The following MOSMO variants were observed in gnomAD, a reference collection of about 807,000 sequenced individuals.
MOSMO encodes modulator of smoothened.
Under a neutral mutation model 18.4 loss-of-function variants are expected in MOSMO, and 5 were observed. The observed-to-expected ratio is 0.27, with a 90% confidence interval of 0.14 to 0.57. MOSMO has a LOEUF of 0.57. Among genes scored for constraint, MOSMO ranks in the 20% least tolerant of loss-of-function variants. The probability of loss-of-function intolerance (pLI) is 0.92; values close to 1 mark genes in which losing one functional copy is unlikely to be tolerated. For missense variants in MOSMO, 138 were observed against 211.8 expected, an observed-to-expected ratio of 0.65 and a Z score of 2.16; for synonymous variants, 82 against 82.3, an observed-to-expected ratio of 1.00 and a Z score of 0.02.
chr16:22,016,457 A>G (rs945541471), intron 1 of MOSMO, among the ~76,000 whole-genome samples: 1 of 152,200 alleles, frequency 6.6e-6, no homozygotes, highest in Non-Finnish European at 1.5e-5. Context: ...TTAAGGCAAC[A>G]TAATGTGTCT....
chr16:22,048,891 G>T (rs1322507838), intron 1 of MOSMO, among the ~76,000 whole-genome samples: 2 of 152,008 alleles, frequency 1.3e-5, no homozygotes, highest in Non-Finnish European at 2.9e-5. Context: ...TTTGAAATAA[G>T]TATCTAGCTT....
chr16:22,088,362 T>A (rs1901227912), downstream of MOSMO, among the ~76,000 whole-genome samples: 1 of 152,216 alleles, frequency 6.6e-6, no homozygotes, highest in African/African-American at 2.4e-5. Flanking sequence ...TCAGTAAATA[T>A]AGAGCTTCCT....
At chr16:22,051,458 A>G (rs570143834) in intron 1 of MOSMO, among the ~76,000 whole-genome samples, 8 of 152,232 alleles carry the variant, frequency 5.3e-5, no homozygotes, top group African/African-American at 1.9e-4. Flanking sequence ...CAAAAGAAAA[A>G]TAACAAACTA....
At chr16:22,039,892 A>G (rs978936047) in intron 1 of MOSMO, among the ~76,000 whole-genome samples, 45 of 152,094 alleles carry the variant, frequency 3.0e-4, no homozygotes, top group Non-Finnish European at 5.3e-4. Context: ...TACCTTGCTT[A>G]TTAATATGTT....
At chr16:22,051,762 G>A (rs868372620) in intron 1 of MOSMO, among the ~76,000 whole-genome samples, 1 of 152,182 alleles carries the variant, frequency 6.6e-6, no homozygotes, top group Non-Finnish European at 1.5e-5. Context: ...TGGAGGCCCC[G>A]GCTTGTGACT....
chr16:22,059,084 A>G (rs1409388396), intron 1 of MOSMO, among the ~76,000 whole-genome samples: 4 of 152,324 alleles, frequency 2.6e-5, no homozygotes, highest in South Asian at 2.1e-4. Flanking sequence ...CTCGCCAGAT[A>G]TATTGTCATC....
chr16:22,086,376 T>C (rs963947855), downstream of MOSMO, among the ~76,000 whole-genome samples: 2 of 152,216 alleles, frequency 1.3e-5, no homozygotes, highest in African/African-American at 4.8e-5. Flanking sequence ...ACAACCAGCC[T>C]GTTCTCCATT....
In MOSMO at chr16:22,081,553, C is replaced by A. The variant is rs1901082811; in HGVS notation, c.*673C>A. 6.9e-6 allele frequency: 1 copy of A among 145,400 alleles called. No individual in the cohort carries two copies. The highest frequency in any genetic ancestry group is 6.9e-5 in the Admixed American group (1 of 14,542). The allele number at this position is 145,400 out of a possible 1,614,324, so 9.0% of individuals were successfully genotyped here. ...TTTTGGGTGGGTGGGTGGGGGAAAT[C>A]TTCCTTATATTTATATAAATATATA... On this transcript the variant is annotated 3_prime_UTR_variant, in exon 3 of 3. Transcript: ENST00000542527.
chr16:22,031,407 A>C (rs1256823021), intron 1 of MOSMO, among the ~76,000 whole-genome samples: 2 of 152,206 alleles, frequency 1.3e-5, no homozygotes, highest in Admixed American at 6.5e-5. Context: ...TACCCCTTTA[A>C]AGTGTACATT....
intron 1 of MOSMO, among the ~76,000 whole-genome samples, chr16:22,010,810 A>C (rs1041811269): frequency 7.9e-5 from 12 of 151,948 alleles, no homozygotes; most frequent in Non-Finnish European, 1.6e-4. Flanking sequence ...CATCCCAGCT[A>C]CTCGGGAGGC....
chr16:22,038,234 AG>A (rs1298979188), intron 1 of MOSMO, among the ~76,000 whole-genome samples: 1 of 152,260 alleles, frequency 6.6e-6, no homozygotes, highest in Admixed American at 6.5e-5. Context: ...GATTGTTAAT[AG>A]CCTTGGAGAG....
the MOSMO span, chr16:22,092,554 G>A: frequency 1.3e-6 from 2 of 1,525,252 alleles, no homozygotes; most frequent in Middle Eastern, 1.7e-4. Flanking sequence ...TTGCTTGGAG[G>A]AGCTTGGAGA....
chr16:22,013,887 G>C (rs911738867), intron 1 of MOSMO, among the ~76,000 whole-genome samples: 2 of 151,244 alleles, frequency 1.3e-5, no homozygotes, highest in East Asian at 2.0e-4. Flanking sequence ...GTTTGGGGGG[G>C]GGGAATCTCA....
chr16:22,041,463 A>C (rs1900208358), intron 1 of MOSMO, among the ~76,000 whole-genome samples: 1 of 152,158 alleles, frequency 6.6e-6, no homozygotes, highest in Non-Finnish European at 1.5e-5. Flanking sequence ...GACATTTTTA[A>C]ACAAATAACC....
chr16:22,033,235 A>T (rs999969860), intron 1 of MOSMO, among the ~76,000 whole-genome samples: 3 of 152,226 alleles, frequency 2.0e-5, no homozygotes, highest in African/African-American at 4.8e-5. Flanking sequence ...ACAAAAACCC[A>T]GCTGGGCTTT....
intron 1 of MOSMO, among the ~76,000 whole-genome samples, chr16:22,020,832 T>G (rs1026824961): frequency 6.6e-6 from 1 of 152,230 alleles, no homozygotes; most frequent in Non-Finnish European, 1.5e-5. Flanking sequence ...CGGTTTGACT[T>G]CAAAGCTTAC....
intron 1 of MOSMO, among the ~76,000 whole-genome samples, chr16:22,009,993 A>T (rs1363648867): frequency 6.6e-6 from 1 of 151,870 alleles, no homozygotes; most frequent in Non-Finnish European, 1.5e-5. Context: ...TCTGTCTCAA[A>T]AAAAAGAAAA....
At chr16:22,024,017 T>A (rs950618373) in intron 1 of MOSMO, among the ~76,000 whole-genome samples, 3 of 84,174 alleles carry the variant, frequency 3.6e-5, no homozygotes, top group African/African-American at 1.2e-4. Context: ...ATATATATAT[T>A]TTCTTAAGAA....
At chr16:22,014,136 G>A (rs1899591395) in intron 1 of MOSMO, among the ~76,000 whole-genome samples, 1 of 152,078 alleles carries the variant, frequency 6.6e-6, no homozygotes, top group Admixed American at 6.6e-5. Context: ...CATGACAGAG[G>A]AGAGATGAGT....
Sources: gnomAD v4.1 joint callset for allele counts (sites outside exome capture counted in the v4.1 genomes callset) on GRCh38, gnomAD v4.1.1 for gene constraint, MANE v1.5 for transcripts, NCBI Gene and HGNC (gene_info 2026-07-23, HGNC 2026-07-21) for gene names.